Variants in PCDHGA12 observed in about 807,000 individuals in gnomAD.
The protein encoded by PCDHGA12 is protocadherin gamma subfamily A, 12, also known as protocadherin gamma-A12.
PCDHGA12 carries 43 observed loss-of-function variants against 61.1 expected under a neutral mutation model. The observed-to-expected ratio is 0.70, with a 90% confidence interval of 0.55 to 0.91. The LOEUF (loss-of-function observed/expected upper bound fraction) is 0.91, where lower values mean the gene tolerates loss of function less well. PCDHGA12 is among the 40% of genes least tolerant of loss of function. The probability of loss-of-function intolerance (pLI) is 0.00; values close to 1 mark genes in which losing one functional copy is unlikely to be tolerated. For synonymous variants in PCDHGA12, 520 were observed against 542.9 expected, an observed-to-expected ratio of 0.96 and a Z score of 0.59; for missense variants, 1,236 against 1,227.7, an observed-to-expected ratio of 1.01 and a Z score of -0.10.
intron 2 of PCDHGA12, among the ~76,000 whole-genome samples, chr5:141,500,259 A>G (rs1595658540): frequency 6.6e-6 from 1 of 151,044 alleles, no homozygotes; most frequent in East Asian, 2.0e-4. Context: ...CCCAGGCTGG[A>G]CTGCAGTGGC....
Position 141,490,330 on chromosome 5 carries a change from C to T in PCDHGA12, c.2425-4477C>T, listed in dbSNP as rs2099698666. ...GGCCAACCCTGTCCTAGAGAGCACA[C>T]CAGTGGGCACAGTAGTGGGGTTGTT... is the stretch of plus-strand genomic sequence containing the variant. On this transcript the variant is annotated intron_variant, in intron 1 of 3. Transcript: ENST00000252085. The surrounding 1 kb of genome is among the most constrained non-coding windows in gnomAD (Gnocchi z 5.4). 6.2e-7 allele frequency: 1 copy of T among 1,614,080 alleles called. No individual in the cohort carries two copies. Among genetic ancestry groups the T allele is most frequent in the Non-Finnish European group, 8.5e-7 (1 of 1,180,042 alleles).
chr5:141,463,438 CTTTTTTTTTTTTTTT>C (rs71576115), intron 1 of PCDHGA12, among the ~76,000 whole-genome samples: 7 of 103,256 alleles, frequency 6.8e-5, no homozygotes, highest in African/African-American at 3.1e-4. Flanking sequence ...TTTCCTTCTC[CTTTTTTTTTTTTTTT>C]TTTTTTTTTT....
intron 1 of PCDHGA12, chr5:141,478,239 C>T: frequency 1.2e-6 from 2 of 1,614,132 alleles, no homozygotes; most frequent in Non-Finnish European, 1.7e-6. Context: ...TTTGTGGTCA[C>T]AGTGTTCGGA....
chr5:141,492,285 A>T (rs2099739112), intron 1 of PCDHGA12, among the ~76,000 whole-genome samples: 1 of 152,132 alleles, frequency 6.6e-6, no homozygotes, highest in African/African-American at 2.4e-5. Flanking sequence ...CGCCCCGCCA[A>T]CACGTGCGCG....
chr5:141,505,583 T>A, intron 3 of PCDHGA12, 102 bp downstream of exon 3: 1 of 1,583,650 alleles, frequency 6.3e-7, no homozygotes, highest in Non-Finnish European at 8.6e-7. Context: ...ACCTGTGTAG[T>A]TTCTCCAGAT....
At chr5:141,494,268 C>G (rs576129333) in intron 1 of PCDHGA12, among the ~76,000 whole-genome samples, 31 of 152,288 alleles carry the variant, frequency 2.0e-4, no homozygotes, top group African/African-American at 7.2e-4. Flanking sequence ...TTCTTGCAAG[C>G]CAAGGGCCCA....
intron 2 of PCDHGA12, among the ~76,000 whole-genome samples, chr5:141,498,795 T>C (rs2099785702): frequency 6.6e-6 from 1 of 152,032 alleles, no homozygotes; most frequent in Admixed American, 6.6e-5. Context: ...TAGCCAGGTG[T>C]GGTGGTGCAC....
chr5:141,465,781 T>G (rs2099109506), intron 1 of PCDHGA12, among the ~76,000 whole-genome samples: 1 of 150,278 alleles, frequency 6.7e-6, no homozygotes, highest in Non-Finnish European at 1.5e-5. Context: ...TTGTTACAGT[T>G]TTTTTTTTTT....
chr5:141,447,428 G>A (rs542079336), intron 1 of PCDHGA12, among the ~76,000 whole-genome samples: 4 of 152,182 alleles, frequency 2.6e-5, no homozygotes, highest in East Asian at 1.9e-4. Flanking sequence ...GTGAGCCACC[G>A]CACCCGGAGG....
At position 141,477,039 on chromosome 5, in the gene PCDHGA12, G is replaced by C. The variant is rs1313580652; in HGVS notation, c.2425-17768G>C. Reference sequence around the variant, plus strand: ...GTAACCGGGATGCTGACAATCAAGGGTCGGCTGGACTTCGAGGACACCAAA... The same window carrying C: ...GTAACCGGGATGCTGACAATCAAGGCTCGGCTGGACTTCGAGGACACCAAA... On this transcript the variant is annotated intron_variant, in intron 1 of 3. Coordinates refer to ENST00000252085, the MANE Select transcript of PCDHGA12 (RefSeq NM_003735.3). This position sits in a 1 kb window ranked among gnomAD's most constrained non-coding sequence, Gnocchi z 4.9. 1 of 1,614,144 alleles carries C rather than the reference G, an allele frequency of 6.2e-7. No individual in the cohort carries two copies. The highest frequency in any genetic ancestry group is 8.5e-7 in the Non-Finnish European group (1 of 1,180,056).
intron 1 of PCDHGA12, among the ~76,000 whole-genome samples, chr5:141,464,022 TG>T (rs948245337): frequency 1.3e-5 from 2 of 151,716 alleles, no homozygotes; most frequent in African/African-American, 4.8e-5. Context: ...TCCCACACTT[TG>T]GGAGGCCAAG....
intron 1 of PCDHGA12, among the ~76,000 whole-genome samples, chr5:141,459,184 G>GC (rs2098963022): frequency 6.6e-6 from 1 of 152,134 alleles, no homozygotes; most frequent in South Asian, 2.1e-4. Flanking sequence ...GTTCCCTCAT[G>GC]CCCCTTTGCA....
chr5:141,477,002 G>A lies in PCDHGA12; in HGVS notation c.2425-17805G>A, dbSNP rs770390597. On this transcript the variant is annotated intron_variant, in intron 1 of 3. Coordinates refer to ENST00000252085, the MANE Select transcript of PCDHGA12 (RefSeq NM_003735.3). The surrounding 1 kb of genome is among the most constrained non-coding windows in gnomAD (Gnocchi z 4.9). ...CCGCGCCGGCGTGCGGCAACTATTC[G>A]CCTTAGACCTTGTAACCGGGATGCT... 6.2e-7 allele frequency: 1 copy of A among 1,614,102 alleles called. No homozygotes were observed. The highest frequency in any genetic ancestry group is 1.3e-5 in the African/African-American group (1 of 74,952).
At chr5:141,434,667 G>A (rs1464226862) in intron 1 of PCDHGA12, among the ~76,000 whole-genome samples, 5 of 151,956 alleles carry the variant, frequency 3.3e-5, no homozygotes, top group African/African-American at 1.2e-4. Context: ...CTATAGAAAT[G>A]ATGCTAATGA....
intron 1 of PCDHGA12, among the ~76,000 whole-genome samples, chr5:141,484,138 G>A (rs184277779): frequency 6.6e-6 from 1 of 152,244 alleles, no homozygotes; most frequent in Admixed American, 6.5e-5. Context: ...TCAGATAAAG[G>A]GAATTTGTAG....
chr5:141,472,060 T>C (rs185246000), intron 1 of PCDHGA12, among the ~76,000 whole-genome samples: 5 of 152,276 alleles, frequency 3.3e-5, no homozygotes, highest in Non-Finnish European at 1.5e-5. Context: ...ATGATTGACA[T>C]GTCTGTGGTT....
intron 1 of PCDHGA12, among the ~76,000 whole-genome samples, chr5:141,443,756 A>G (rs1234457212): frequency 6.6e-6 from 1 of 152,232 alleles, no homozygotes; most frequent in Non-Finnish European, 1.5e-5. Flanking sequence ...TTGGAAGCTT[A>G]CAATATACAA....
intron 1 of PCDHGA12, among the ~76,000 whole-genome samples, chr5:141,449,921 C>T (rs2098659300): frequency 6.6e-6 from 1 of 151,648 alleles, no homozygotes; most frequent in African/African-American, 2.4e-5. Flanking sequence ...TTAAATTCTA[C>T]CATACCTTAT....
At chr5:141,482,719 G>C (rs1221351410) in intron 1 of PCDHGA12, among the ~76,000 whole-genome samples, 1 of 129,252 alleles carries the variant, frequency 7.7e-6, no homozygotes, top group African/African-American at 3.5e-5. Flanking sequence ...GGCAGGGAGG[G>C]GCCATTGCAA....
Sources: gnomAD v4.1 joint callset for allele counts (sites outside exome capture counted in the v4.1 genomes callset) on GRCh38, gnomAD v4.1.1 for gene constraint, Gnocchi (gnomAD v3.1) non-coding constraint, MANE v1.5 for transcripts, NCBI Gene and HGNC (gene_info 2026-07-23, HGNC 2026-07-21) for gene names.